CSMD1: variants seen among roughly 807,000 people sequenced by gnomAD.
CSMD1 encodes the protein CUB and Sushi multiple domains 1.
CSMD1 carries 213 observed loss-of-function variants against 417.5 expected under a neutral mutation model. The observed-to-expected ratio is 0.51, with a 90% confidence interval of 0.46 to 0.57. The LOEUF is 0.57. CSMD1 is among the 20% of genes least tolerant of loss of function. The pLI is 0.00. For missense variants in CSMD1, 6,923 were observed against 4,529.7 expected (o/e 1.53, Z -15.17); for synonymous variants, 2,862 against 1,736.8 (o/e 1.65, Z -16.11).
intron 5 of CSMD1, among the ~76,000 whole-genome samples, chr8:3,918,895 G>T (rs999210817): frequency 2.5e-4 from 38 of 151,912 alleles, no homozygotes; most frequent in African/African-American, 9.2e-4. Context: ...TAGGAAGGGG[G>T]TGAAGGATAA....
intron 5 of CSMD1, among the ~76,000 whole-genome samples, chr8:3,814,898 T>C (rs540247363): frequency 6.6e-6 from 1 of 152,186 alleles, no homozygotes; most frequent in African/African-American, 2.4e-5. Context: ...ATGGTGAAAA[T>C]AAATGACTTT....
chr8:4,485,669 C>T (rs1175002508), intron 2 of CSMD1, among the ~76,000 whole-genome samples: 2 of 152,054 alleles, frequency 1.3e-5, no homozygotes, highest in East Asian at 3.9e-4. Flanking sequence ...GTAAATGAGG[C>T]TGACCAAAAT....
intron 5 of CSMD1, among the ~76,000 whole-genome samples, chr8:3,883,967 G>A (rs1420699547): frequency 6.6e-6 from 1 of 152,094 alleles, no homozygotes; most frequent in African/African-American, 2.4e-5. Flanking sequence ...TATAGAGTGT[G>A]CACATACTAA....
chr8:4,847,630 G>T (rs185083574), intron 1 of CSMD1, among the ~76,000 whole-genome samples: 4 of 151,782 alleles, frequency 2.6e-5, no homozygotes, highest in Admixed American at 1.3e-4. Context: ...GGACCCCACC[G>T]AGGACCCTGT....
chr8:4,687,673 C>T (rs568522359), intron 1 of CSMD1, among the ~76,000 whole-genome samples: 10 of 152,224 alleles, frequency 6.6e-5, no homozygotes, highest in South Asian at 4.2e-4. Context: ...AATGAGCTGC[C>T]GCTGTTTTTG....
At chr8:4,351,353 C>A (rs1257250323) in intron 3 of CSMD1, among the ~76,000 whole-genome samples, 4 of 152,192 alleles carry the variant, frequency 2.6e-5, no homozygotes, top group Admixed American at 6.5e-5. Flanking sequence ...AAATTTGAGG[C>A]ATCTCCTTAT....
At chr8:2,979,663 G>A (rs1261604065) in intron 54 of CSMD1, among the ~76,000 whole-genome samples, 2 of 152,190 alleles carry the variant, frequency 1.3e-5, no homozygotes, top group Non-Finnish European at 2.9e-5. Flanking sequence ...GACAAACCCT[G>A]TACCCAAACT....
At chr8:3,183,793 C>T (rs139658240) in intron 36 of CSMD1, among the ~76,000 whole-genome samples, 3 of 152,328 alleles carry the variant, frequency 2.0e-5, no homozygotes, top group South Asian at 2.1e-4. Flanking sequence ...TCAGTCATCA[C>T]GCCTTAACTG....
At chr8:3,067,486 G>T (rs2128996765) in intron 49 of CSMD1, among the ~76,000 whole-genome samples, 1 of 151,962 alleles carries the variant, frequency 6.6e-6, no homozygotes, top group South Asian at 2.1e-4. Context: ...ATTTTCTCCA[G>T]GTCCACACAG....
intron 48 of CSMD1, among the ~76,000 whole-genome samples, chr8:3,090,912 T>G (rs1413885919): frequency 6.6e-6 from 1 of 152,230 alleles, no homozygotes; most frequent in African/African-American, 2.4e-5. Context: ...TTGACTGATT[T>G]GATCAATTTG....
intron 2 of CSMD1, among the ~76,000 whole-genome samples, chr8:4,475,136 G>A (rs1246605782): frequency 6.6e-6 from 1 of 152,082 alleles, no homozygotes; most frequent in African/African-American, 2.4e-5. Flanking sequence ...ATTATGTTTA[G>A]GCTAGTATTA....
intron 5 of CSMD1, among the ~76,000 whole-genome samples, chr8:3,856,764 G>C (rs1166286649): frequency 6.6e-6 from 1 of 152,108 alleles, no homozygotes; most frequent in African/African-American, 2.4e-5. Flanking sequence ...TGGTGTCTTT[G>C]TCTCTGAAGG....
At chr8:3,483,454 T>C (rs78005345) in intron 11 of CSMD1, among the ~76,000 whole-genome samples, 4,391 of 152,156 alleles carry the variant, frequency 0.029, 250 homozygotes, top group East Asian at 0.17. Context: ...ACAATCTAAA[T>C]AGTCCTTTAT....
At chr8:3,775,175 A>G (rs1226548639) in intron 5 of CSMD1, among the ~76,000 whole-genome samples, 3 of 152,242 alleles carry the variant, frequency 2.0e-5, no homozygotes. Context: ...CTTTATTTAT[A>G]CCAAACTTAA....
chr8:4,705,944 T>G (rs901265801), intron 1 of CSMD1, among the ~76,000 whole-genome samples: 1 of 151,988 alleles, frequency 6.6e-6, no homozygotes, highest in African/African-American at 2.4e-5. Flanking sequence ...GATAAAGAAA[T>G]CTCTTCAACA....
intron 25 of CSMD1, among the ~76,000 whole-genome samples, chr8:3,296,610 C>G (rs1046588499): frequency 1.3e-5 from 2 of 152,082 alleles, no homozygotes; most frequent in African/African-American, 4.8e-5. Flanking sequence ...TTGAGTAATC[C>G]AAGAAAGTGG....
chr8:4,439,274 T>A (rs999687126), intron 2 of CSMD1, among the ~76,000 whole-genome samples: 1 of 152,156 alleles, frequency 6.6e-6, no homozygotes, highest in African/African-American at 2.4e-5. Context: ...AACTACTAAA[T>A]TGAAAATGAC....
chr8:4,250,268 C>A (rs140540342), intron 3 of CSMD1, among the ~76,000 whole-genome samples: 65 of 152,300 alleles, frequency 4.3e-4, no homozygotes, highest in Non-Finnish European at 8.5e-4. Context: ...AAAAGCCTCT[C>A]TAGTGATATA....
intron 2 of CSMD1, among the ~76,000 whole-genome samples, chr8:4,504,827 G>A (rs149907552): frequency 2.0e-3 from 312 of 152,212 alleles, no homozygotes; most frequent in African/African-American, 7.2e-3. Context: ...ATTTTTTATG[G>A]CTGCATAGTA....
Sources: allele counts gnomAD v4.1 joint callset (sites outside exome capture counted in the v4.1 genomes callset), GRCh38; gene constraint gnomAD v4.1.1; transcripts MANE v1.5; gene names NCBI Gene and HGNC (gene_info 2026-07-23, HGNC 2026-07-21).